Variants in DLG2 observed in about 807,000 individuals in gnomAD.
The protein encoded by DLG2 is discs large MAGUK scaffold protein 2.
In DLG2, 45 loss-of-function variants were observed where a neutral mutation model predicts 132.5. The observed-to-expected ratio is 0.34, with a 90% CI of 0.27 to 0.44. The LOEUF (loss-of-function observed/expected upper bound fraction) is 0.44. Among genes scored for constraint, DLG2 ranks in the 20% least tolerant of loss-of-function variants. The pLI is 1.00. For missense variants in DLG2, 1,045 were observed against 1,196.9 expected (o/e 0.87, Z 1.87); for synonymous variants, 424 against 419.6 (o/e 1.01, Z -0.13).
At chr11:85,392,402 A>G (rs1383401856) in intron 3 of DLG2, among the ~76,000 whole-genome samples, 1 of 151,628 alleles carries the variant, frequency 6.6e-6, no homozygotes, top group African/African-American at 2.4e-5. Flanking sequence ...CTATCAAAAT[A>G]CCACCATCAT....
intron 15 of DLG2, among the ~76,000 whole-genome samples, chr11:83,884,138 G>C (rs368159957): frequency 6.6e-6 from 1 of 152,222 alleles, no homozygotes; most frequent in Admixed American, 6.5e-5. Context: ...AGCAGGGCGA[G>C]GCATTGCCTC....
At chr11:85,063,425 G>A (rs2064401309) in intron 6 of DLG2, among the ~76,000 whole-genome samples, 1 of 151,778 alleles carries the variant, frequency 6.6e-6, no homozygotes, top group African/African-American at 2.4e-5. Flanking sequence ...CCAATATCAA[G>A]TAATGGAGCA....
chr11:84,567,637 T>C (rs1461132390), intron 6 of DLG2, among the ~76,000 whole-genome samples: 1 of 152,212 alleles, frequency 6.6e-6, no homozygotes, highest in Non-Finnish European at 1.5e-5. Context: ...AAGTACAAAC[T>C]CTTTGAAAGT....
At chr11:84,437,300 T>C (rs888327267) in intron 7 of DLG2, 2 of 152,034 alleles carry the variant, frequency 1.3e-5, no homozygotes, top group Admixed American at 6.6e-5. Context: ...TCCAAGCAAA[T>C]AAAGACTGCG....
intron 6 of DLG2, among the ~76,000 whole-genome samples, chr11:84,830,126 T>C (rs1264419808): frequency 6.6e-6 from 1 of 151,662 alleles, no homozygotes; most frequent in African/African-American, 2.4e-5. Flanking sequence ...TTATGCTTAG[T>C]GATATTTACT....
At position 85,470,371 on chromosome 11, in the gene DLG2, A is replaced by G. The variant is rs141159606; in HGVS notation, c.40+128286T>C. ...ATGAGCTAGGCCACAAAGGATTTGCACAGTTGGGGTAGGGGTGAGAAGGAG... is the reference window on the plus strand; with the variant it reads ...ATGAGCTAGGCCACAAAGGATTTGCGCAGTTGGGGTAGGGGTGAGAAGGAG... On this transcript the variant is annotated intron_variant, in intron 3 of 27. Coordinates refer to ENST00000376104, the MANE Select transcript of DLG2 (RefSeq NM_001142699.3). 2.1e-3 allele frequency among the ~76,000 whole-genome samples: 321 copies of G among 152,286 alleles called. 1 individual carries two copies. The highest frequency in any genetic ancestry group is 7.0e-3 in the African/African-American group (292 of 41,560).
At chr11:84,694,612 CCT>C (rs1428717635) in intron 6 of DLG2, among the ~76,000 whole-genome samples, 1 of 151,398 alleles carries the variant, frequency 6.6e-6, no homozygotes, top group Non-Finnish European at 1.5e-5. Flanking sequence ...TTTTTACTGG[CCT>C]ACTTTGTTTT....
chr11:85,465,055 C>T (rs1008471310), intron 3 of DLG2, among the ~76,000 whole-genome samples: 3 of 96,776 alleles, frequency 3.1e-5, no homozygotes, highest in Non-Finnish European at 5.6e-5. Flanking sequence ...GCACGGGCAA[C>T]AGTGCAGAAC....
chr11:83,480,706 C>A (rs2093033574), intron 22 of DLG2: 1 of 1,239,586 alleles, frequency 8.1e-7, no homozygotes, highest in Non-Finnish European at 1.1e-6. Flanking sequence ...ATACTATGAC[C>A]CATTCATATA....
intron 6 of DLG2, among the ~76,000 whole-genome samples, chr11:84,912,559 T>C (rs893550977): frequency 1.8e-4 from 27 of 152,252 alleles, no homozygotes; most frequent in African/African-American, 6.3e-4. Context: ...TTATCATTAC[T>C]AACCATTTCA....
chr11:84,983,163 T>A (rs746029326), intron 6 of DLG2, among the ~76,000 whole-genome samples: 11 of 152,148 alleles, frequency 7.2e-5, no homozygotes, highest in Non-Finnish European at 1.6e-4. Flanking sequence ...TGAACTTTTG[T>A]TCCAAAATGA....
chr11:84,075,037 CT>C (rs1307649775), intron 10 of DLG2, among the ~76,000 whole-genome samples: 2 of 152,102 alleles, frequency 1.3e-5, no homozygotes, highest in Non-Finnish European at 1.5e-5. Flanking sequence ...CCCTACATAC[CT>C]AGCTCACTCC....
At chr11:84,501,699 A>G (rs2099206143) in intron 7 of DLG2, among the ~76,000 whole-genome samples, 1 of 152,236 alleles carries the variant, frequency 6.6e-6, no homozygotes, top group African/African-American at 2.4e-5. Context: ...ATGCAAATAT[A>G]AAGTAGATTA....
At chr11:84,092,008 A>C (rs1342060011) in intron 10 of DLG2, among the ~76,000 whole-genome samples, 3 of 152,220 alleles carry the variant, frequency 2.0e-5, no homozygotes, top group African/African-American at 7.2e-5. Context: ...CCAGTAAGAG[A>C]ATCTCTCTGT....
intron 6 of DLG2, among the ~76,000 whole-genome samples, chr11:84,726,251 G>A (rs2062438177): frequency 6.6e-6 from 1 of 152,052 alleles, no homozygotes; most frequent in Non-Finnish European, 1.5e-5. Flanking sequence ...TTCTCCTAAT[G>A]CTATCCCTCC....
chr11:83,954,413 T>C (rs2086282051), intron 14 of DLG2, among the ~76,000 whole-genome samples: 1 of 152,156 alleles, frequency 6.6e-6, no homozygotes, highest in Non-Finnish European at 1.5e-5. Flanking sequence ...AAGAGAAAAC[T>C]CTCCTTGAGG....
intron 17 of DLG2, among the ~76,000 whole-genome samples, chr11:83,797,219 AAAGAAGAAGAAG>A (rs57382244): frequency 2.6e-5 from 4 of 151,314 alleles, no homozygotes; most frequent in African/African-American, 2.4e-5. Context: ...TGATGAAGGA[AAAGAAGAAGAAG>A]AAGAAGAAGA....
chr11:84,675,665 T>C (rs899829037), intron 6 of DLG2, among the ~76,000 whole-genome samples: 1 of 152,064 alleles, frequency 6.6e-6, no homozygotes, highest in Non-Finnish European at 1.5e-5. Context: ...TACACCCTAG[T>C]TGAAATTCAC....
At chr11:83,520,328 C>CA (rs2095430407) in intron 21 of DLG2, among the ~76,000 whole-genome samples, 1 of 152,158 alleles carries the variant, frequency 6.6e-6, no homozygotes, top group African/African-American at 2.4e-5. Context: ...TTACGGTTAT[C>CA]ACTACTAACA....
Sources: gnomAD v4.1 joint callset for allele counts (sites outside exome capture counted in the v4.1 genomes callset) on GRCh38, gnomAD v4.1.1 for gene constraint, MANE v1.5 for transcripts, NCBI Gene and HGNC (gene_info 2026-07-23, HGNC 2026-07-21) for gene names.